Variants in CPSF2 observed in about 807,000 individuals in gnomAD.
The protein encoded by CPSF2 is cleavage and polyadenylation specific factor 2, also known as cleavage and polyadenylation specificity factor subunit 2.
A neutral mutation model predicts 84.2 loss-of-function variants in CPSF2; 51 were observed. That is an observed-to-expected ratio of 0.61 (90% CI 0.48 to 0.77). The LOEUF is 0.77. CPSF2 is among the 30% of genes least tolerant of loss of function. The pLI is 0.00. For synonymous variants in CPSF2, 286 were observed against 311.9 expected, an observed-to-expected ratio of 0.92 and a Z score of 0.87; for missense variants, 641 against 929.4, an observed-to-expected ratio of 0.69 and a Z score of 4.03.
rs757360983 is a variant in CPSF2 at position 92,161,755 on chromosome 14, G to A, written c.*11G>A. The A allele has an allele frequency of 2.1e-6, 3 of 1,439,520 alleles. No homozygotes were observed. In the African/African-American group the frequency reaches 4.4e-5, roughly 21 times the overall value. The allele number at this position is 1,439,520 out of a possible 1,614,324, so 89.2% of individuals were successfully genotyped here. A position where few individuals can be genotyped will look rare whatever the true frequency, so the allele number is the denominator to read the frequency against. ...TATGCCATTGTATAAAGGACATGAT[G>A]TCAAGAAGTATCTGCTTGACCTTTC... On this transcript the variant is annotated 3_prime_UTR_variant, in exon 16 of 16. Transcript: ENST00000298875.
rs377357044 is a variant in CPSF2, at chr14:92,125,966, A to G, written c.-93-156A>G. Among the ~76,000 whole-genome samples, 551 of 152,330 alleles carry G rather than the reference A, an allele frequency of 3.6e-3. 3 individuals carry two copies. The highest frequency in any genetic ancestry group is 0.013 in the African/African-American group (537 of 41,580). On this transcript the variant is annotated intron_variant, in intron 1 of 15. Transcript: ENST00000298875. ...CTGTTATGTAAGCTTAAGATTCCTA[A>G]AATTAATGACAGATCTCTTTTTTAA...
intron 14 of CPSF2, among the ~76,000 whole-genome samples, chr14:92,159,704 A>G (rs2069343519): frequency 6.6e-6 from 1 of 152,156 alleles, no homozygotes; most frequent in Non-Finnish European, 1.5e-5. Context: ...AATATGTCTC[A>G]CATTTGGGCT....
At chr14:92,154,995 A>G (rs2069270054) in intron 10 of CPSF2, 128 bp from the exon 11 acceptor site, 2 of 657,148 alleles carry the variant, frequency 3.0e-6, no homozygotes, top group South Asian at 2.1e-5. Context: ...GTTGACCGAC[A>G]TAACTGTATA....
At chr14:92,128,371 T>C (rs2068869147) in intron 2 of CPSF2, among the ~76,000 whole-genome samples, 1 of 152,204 alleles carries the variant, frequency 6.6e-6, no homozygotes, top group Non-Finnish European at 1.5e-5. Flanking sequence ...TAGTCCCAGC[T>C]ACTCAGGTGG....
intron 1 of CPSF2, among the ~76,000 whole-genome samples, chr14:92,122,548 C>T (rs926008022): frequency 1.3e-5 from 2 of 152,258 alleles, no homozygotes; most frequent in African/African-American, 4.8e-5. Context: ...AAGCTCTGGA[C>T]ACCGCTTAGG....
At chr14:92,125,557 C>T (rs997666303) in intron 1 of CPSF2, among the ~76,000 whole-genome samples, 4 of 152,068 alleles carry the variant, frequency 2.6e-5, no homozygotes, top group South Asian at 2.1e-4. Context: ...TTACCTGTAT[C>T]ATGCCATCTT....
At chr14:92,141,396 A>G (rs1431009643) in intron 7 of CPSF2, among the ~76,000 whole-genome samples, 1 of 152,104 alleles carries the variant, frequency 6.6e-6, no homozygotes, top group Non-Finnish European at 1.5e-5. Flanking sequence ...TAGTGGCACA[A>G]TCACGACTCT....
intron 3 of CPSF2, 63 bp from the exon 4 acceptor site, chr14:92,133,948 G>C (rs2068967386): frequency 3.9e-6 from 6 of 1,542,934 alleles, no homozygotes; most frequent in Non-Finnish European, 5.3e-6. Flanking sequence ...GAATAATTTT[G>C]AATATTCTGT....
chr14:92,160,444 T>G (rs1339305712), intron 14 of CPSF2, among the ~76,000 whole-genome samples: 1 of 152,250 alleles, frequency 6.6e-6, no homozygotes, highest in African/African-American at 2.4e-5. Context: ...CTATGAATCC[T>G]ACATGCATGT....
rs181786522 is a variant in CPSF2, at chr14:92,166,719, C to T, written c.*4975C>T. 2.6e-5 allele frequency: 4 copies of T among 152,200 alleles called. No homozygotes were observed. The East Asian group carries it at 7.7e-4, about 29-fold the overall frequency. 9.4% of individuals were successfully genotyped at this position (152,200 alleles called of 1,614,324 possible). On this transcript the variant is annotated 3_prime_UTR_variant, in exon 16 of 16. Transcript: ENST00000298875. Reference sequence around the variant, plus strand: ...TTTTTGCATGTGGATATCCAGTTGTCCCAGCATCATTTGTTGAAAAGACTA... The same window carrying T: ...TTTTTGCATGTGGATATCCAGTTGTTCCAGCATCATTTGTTGAAAAGACTA...
rs2068775616 is a variant in CPSF2 at position 92,122,067 on chromosome 14, G to C, written c.-155G>C. On this transcript the variant is annotated 5_prime_UTR_variant, in exon 1 of 16. Transcript: ENST00000298875. ...CCCAGCATCGGCTTTTCTACGTCTT[G>C]AACCTGGATTCGCCTAGGGGTTGGG... The C allele has an allele frequency of 1.9e-6, 1 of 525,138 alleles. No individual in the cohort carries two copies. The highest frequency in any genetic ancestry group is 1.9e-5 in the African/African-American group (1 of 52,118). 32.5% of individuals were successfully genotyped at this position (525,138 alleles called of 1,614,324 possible).
rs2069479568 is a variant in CPSF2, at chr14:92,168,476, C to T, written c.*6732C>T. 1 of 152,160 alleles carries T rather than the reference C, an allele frequency of 6.6e-6. No homozygotes were observed. The highest frequency in any genetic ancestry group is 2.4e-5 in the African/African-American group (1 of 41,422). The allele number at this position is 152,160 out of a possible 1,614,324, so 9.4% of individuals were successfully genotyped here. A position where few individuals can be genotyped will look rare whatever the true frequency, so the allele number is the denominator to read the frequency against. On this transcript the variant is annotated 3_prime_UTR_variant, in exon 16 of 16. Transcript: ENST00000298875. ...TTCTTGGCTTTTCCCTTTTCCTCCC[C>T]ACCACTATACGCACATGCACACACA... is the stretch of plus-strand genomic sequence containing the variant.
In CPSF2 at chr14:92,162,372, C is replaced by T. The variant is rs1226987641; in HGVS notation, c.*628C>T. ...TTATTTCTCCTATATCTTGTTTTAT[C>T]AAGATTTTGTTGTGGCATTTCAATG... On this transcript the variant is annotated 3_prime_UTR_variant, in exon 16 of 16. Transcript: ENST00000298875. 6.6e-6 allele frequency: 1 copy of T among 152,432 alleles called. No homozygotes were observed. Among genetic ancestry groups the T allele is most frequent in the Non-Finnish European group, 1.5e-5 (1 of 68,008 alleles). The allele number at this position is 152,432 out of a possible 1,614,324, so 9.4% of individuals were successfully genotyped here.
At chr14:92,127,012 A>C (rs186570237) in intron 2 of CPSF2, among the ~76,000 whole-genome samples, 18 of 152,210 alleles carry the variant, frequency 1.2e-4, no homozygotes, top group African/African-American at 3.9e-4. Flanking sequence ...GAGCTTATTT[A>C]ATACTAGCCA....
At position 92,121,980 on chromosome 14, in the gene CPSF2, G is replaced by A. The variant is rs1057112724; in HGVS notation, c.-242G>A. Reference sequence around the variant, plus strand: ...TCCTCGTCTCCGCCGCTAGTCTCCAGCTCCAAAATGGCGGCTGCCACTGTG... The same window carrying A: ...TCCTCGTCTCCGCCGCTAGTCTCCAACTCCAAAATGGCGGCTGCCACTGTG... On this transcript the variant is annotated 5_prime_UTR_variant, in exon 1 of 16. Transcript: ENST00000298875. The A allele has an allele frequency of 6.7e-6, 5 of 749,468 alleles. No homozygotes were observed. In the African/African-American group the frequency reaches 7.0e-5, roughly 11 times the overall value. 46.4% of individuals were successfully genotyped at this position (749,468 alleles called of 1,614,324 possible). A position where few individuals can be genotyped will look rare whatever the true frequency, so the allele number is the denominator to read the frequency against.
At chr14:92,130,121 T>C (rs1467113005) in intron 2 of CPSF2, among the ~76,000 whole-genome samples, 1 of 152,238 alleles carries the variant, frequency 6.6e-6, no homozygotes, top group Non-Finnish European at 1.5e-5. Context: ...ATCAGATATA[T>C]GTTGAAGCGT....
Position 92,171,654 on chromosome 14 carries a change from G to A in CPSF2, c.*9910G>A, listed in dbSNP as rs1372664888. 6.6e-6 allele frequency: 1 copy of A among 152,152 alleles called. No individual in the cohort carries two copies. The highest frequency in any genetic ancestry group is 6.5e-5 in the Admixed American group (1 of 15,274). The allele number at this position is 152,152 out of a possible 1,614,324, so 9.4% of individuals were successfully genotyped here. ...GCTAAAGGCTGTGCTCATTGCCCCTGTGCTAGCATTGCCACTGTGCGTTCT... is the reference window on the plus strand; with the variant it reads ...GCTAAAGGCTGTGCTCATTGCCCCTATGCTAGCATTGCCACTGTGCGTTCT... On this transcript the variant is annotated 3_prime_UTR_variant, in exon 16 of 16. Transcript: ENST00000298875.
intron 7 of CPSF2, among the ~76,000 whole-genome samples, chr14:92,141,609 T>G (rs578082325): frequency 2.6e-5 from 4 of 152,280 alleles, no homozygotes; most frequent in South Asian, 2.1e-4. Flanking sequence ...ATTACAGGTG[T>G]GAGCCATTGC....
rs144289191 is a variant in CPSF2, at chr14:92,143,081, T to C, written c.927T>C (p.Ser309=). ...RNNPFQFRHL[S]LCHGLSDLAR... Reference sequence around the variant, plus strand: ...ATCCGTTTCAGTTTCGCCATCTCTCTTTATGTCATGGTCTTTCTGACTTGG... The same window carrying C: ...ATCCGTTTCAGTTTCGCCATCTCTCCTTATGTCATGGTCTTTCTGACTTGG... Residue 309 remains serine (S), a synonymous_variant, in exon 9 of 16, where the codon TCT becomes TCC. Coordinates refer to ENST00000298875, the MANE Select transcript of CPSF2 (RefSeq NM_017437.3). 6.2e-7 allele frequency: 1 copy of C among 1,614,004 alleles called. No individual in the cohort carries two copies. The highest frequency in any genetic ancestry group is 1.3e-5 in the African/African-American group (1 of 74,936).
Sources: allele counts gnomAD v4.1 joint callset (sites outside exome capture counted in the v4.1 genomes callset), GRCh38; gene constraint gnomAD v4.1.1; transcripts MANE v1.5; gene names NCBI Gene and HGNC (gene_info 2026-07-23, HGNC 2026-07-21).